The following MTUS2 variants were observed in gnomAD, a reference collection of about 807,000 sequenced individuals.
The protein encoded by MTUS2 is microtubule-associated tumor suppressor candidate 2.
MTUS2 carries 40 observed loss-of-function variants against 114.1 expected under a neutral mutation model. The ratio of observed to expected loss-of-function variants is 0.35; its 90% CI spans 0.27 to 0.46. The LOEUF (loss-of-function observed/expected upper bound fraction) is 0.46. MTUS2 is among the 20% of genes least tolerant of loss of function. MTUS2 has a pLI of 1.00. For synonymous variants in MTUS2, 688 were observed against 672.0 expected, an observed-to-expected ratio of 1.02 and a Z score of -0.37; for missense variants, 1,679 against 1,705.4, an observed-to-expected ratio of 0.98 and a Z score of 0.27.
chr13:29,491,530 G>A (rs976864356), intron 11 of MTUS2, among the ~76,000 whole-genome samples: 1 of 136,076 alleles, frequency 7.3e-6, no homozygotes, highest in African/African-American at 2.8e-5. Flanking sequence ...TGATGTGTGT[G>A]GTATGTGTGG....
intron 8 of MTUS2, among the ~76,000 whole-genome samples, chr13:29,423,625 A>G (rs1313130276): frequency 1.3e-5 from 2 of 152,232 alleles, no homozygotes; most frequent in African/African-American, 4.8e-5. Context: ...ATTTATAATG[A>G]TGTTTTTAAA....
chr13:29,082,332 A>C (rs890628322), intron 4 of MTUS2, among the ~76,000 whole-genome samples: 1 of 152,126 alleles, frequency 6.6e-6, no homozygotes, highest in Non-Finnish European at 1.5e-5. Flanking sequence ...TGAGCTGACT[A>C]AGATAGGTCC....
intron 5 of MTUS2, among the ~76,000 whole-genome samples, chr13:29,278,497 A>C (rs1166968778): frequency 1.3e-5 from 2 of 152,232 alleles, no homozygotes; most frequent in Non-Finnish European, 2.9e-5. Flanking sequence ...GGAAGAGAAA[A>C]ACTTGAGTAG....
chr13:29,060,543 C>CTT (rs1162860492), intron 4 of MTUS2, among the ~76,000 whole-genome samples: 1,041 of 101,178 alleles, frequency 0.01, 16 homozygotes, highest in South Asian at 0.024. Context: ...CCTAGCCCTT[C>CTT]TTTTTTTTTT....
chr13:29,025,742 A>C lies in MTUS2; in HGVS notation c.1044A>C (p.Pro348=), dbSNP rs1886505154. Residue 348 remains proline (P), a synonymous_variant, in exon 3 of 16, where the codon CCA becomes CCC. Coordinates refer to ENST00000612955, the MANE Select transcript of MTUS2 (RefSeq NM_001033602.4). The part of the protein sequence containing the change: ...ENLSALEGRD[P]CGEAHPEATD... ...TGTCAGCCTTGGAGGGAAGGGATCC[A>C]TGTGGGGAAGCACACCCGGAAGCCA... 2 of 1,614,002 alleles carry C rather than the reference A, an allele frequency of 1.2e-6. No individual in the cohort carries two copies. The highest frequency in any genetic ancestry group is 1.7e-6 in the Non-Finnish European group (2 of 1,179,892).
intron 8 of MTUS2, among the ~76,000 whole-genome samples, chr13:29,437,049 G>C (rs1877465523): frequency 6.6e-6 from 1 of 152,168 alleles, no homozygotes; most frequent in South Asian, 2.1e-4. Context: ...CCACAGGCCT[G>C]ATTCTTCTGT....
At chr13:28,850,601 C>T (rs565262258) in intron 2 of MTUS2, among the ~76,000 whole-genome samples, 1 of 152,316 alleles carries the variant, frequency 6.6e-6, no homozygotes, top group Admixed American at 6.5e-5. Flanking sequence ...GTATGCTTAA[C>T]ATTAAGGTGT....
chr13:28,955,151 C>G (rs1387784634), intron 2 of MTUS2, among the ~76,000 whole-genome samples: 2 of 152,180 alleles, frequency 1.3e-5, no homozygotes, highest in Non-Finnish European at 2.9e-5. Flanking sequence ...TAACCTATGA[C>G]ACTGTCTTTT....
chr13:29,254,669 T>G (rs1020237199), intron 5 of MTUS2, among the ~76,000 whole-genome samples: 1 of 152,220 alleles, frequency 6.6e-6, no homozygotes, highest in African/African-American at 2.4e-5. Flanking sequence ...AAAAGTAAGC[T>G]CCTCTCCCAT....
intron 5 of MTUS2, among the ~76,000 whole-genome samples, chr13:29,188,466 A>G (rs1369833596): frequency 2.6e-5 from 4 of 152,222 alleles, no homozygotes; most frequent in Non-Finnish European, 5.9e-5. Context: ...TTAGCTCAAA[A>G]GCCTGCAAGC....
chr13:29,361,131 T>C (rs1422227687), intron 8 of MTUS2, among the ~76,000 whole-genome samples: 1 of 152,212 alleles, frequency 6.6e-6, no homozygotes, highest in African/African-American at 2.4e-5. Flanking sequence ...AATTCCTTGT[T>C]GGCCTGCAGA....
chr13:29,190,615 G>A (rs746996449), intron 5 of MTUS2, among the ~76,000 whole-genome samples: 1 of 152,238 alleles, frequency 6.6e-6, no homozygotes, highest in African/African-American at 2.4e-5. Context: ...TGAGTGCAGG[G>A]AGCAACATTG....
At chr13:29,193,945 C>G (rs1194831717) in intron 5 of MTUS2, among the ~76,000 whole-genome samples, 3 of 152,048 alleles carry the variant, frequency 2.0e-5, no homozygotes, top group African/African-American at 4.8e-5. Flanking sequence ...CGCCGCATAT[C>G]TACAAATATC....
chr13:29,346,033 TA>T (rs1294897143), intron 7 of MTUS2, among the ~76,000 whole-genome samples: 3 of 152,102 alleles, frequency 2.0e-5, no homozygotes, highest in Admixed American at 1.3e-4. Context: ...CAGCCGTGAG[TA>T]ACGAGCACCT....
At position 29,440,022 on chromosome 13, in the gene MTUS2, G is replaced by A. The variant is rs199840497; in HGVS notation, c.3157G>A (p.Glu1053Lys). 3.7e-5 allele frequency: 59 copies of A among 1,589,026 alleles called. No individual in the cohort carries two copies. Among genetic ancestry groups the A allele is most frequent in the South Asian group, 5.8e-5 (5 of 86,910 alleles). ...ALVKEKELSI[E>K]LANIRDEVAF... ...TGTGAAAGAAAAAGAGCTGTCAATC[G>A]AACTTGCAAACATCAGGGATGAAGT... Residue 1053 changes from glutamate (E) to lysine (K), a missense_variant, in exon 9 of 16, where the codon GAA becomes AAA. Glu to Lys is a moderately conservative substitution (Grantham distance 56). Around this residue, in one of 3 missense-constraint regions of MTUS2, gnomAD observed 822 missense variants for 899.7 expected, o/e 0.91. Transcript: ENST00000612955.
intron 8 of MTUS2, among the ~76,000 whole-genome samples, chr13:29,399,068 C>T (rs888133775): frequency 2.0e-5 from 3 of 152,090 alleles, no homozygotes; most frequent in African/African-American, 4.8e-5. Flanking sequence ...AGAGCAGCCC[C>T]GAGGGCTGCT....
chr13:29,170,307 A>G (rs147878800), intron 5 of MTUS2, among the ~76,000 whole-genome samples: 40 of 152,318 alleles, frequency 2.6e-4, no homozygotes, highest in African/African-American at 6.7e-4. Flanking sequence ...TTATTGTTCT[A>G]TTACCCCCAT....
chr13:29,101,147 T>C (rs2138822850), intron 5 of MTUS2, among the ~76,000 whole-genome samples, 177 bp downstream of exon 5: 1 of 152,212 alleles, frequency 6.6e-6, no homozygotes, highest in East Asian at 1.9e-4. Flanking sequence ...CCATCAGTTA[T>C]GGGGAGTTAG....
intron 2 of MTUS2, among the ~76,000 whole-genome samples, chr13:28,848,465 A>G (rs1303396508): frequency 6.6e-6 from 1 of 152,092 alleles, no homozygotes; most frequent in African/African-American, 2.4e-5. Context: ...AAGAATGATA[A>G]TAGTCAAAAG....
Sources: gnomAD v4.1 joint callset for allele counts (sites outside exome capture counted in the v4.1 genomes callset) on GRCh38, gnomAD v4.1.1 for gene constraint, gnomAD v4.1.1 regional missense constraint, MANE v1.5 for transcripts, NCBI Gene and HGNC (gene_info 2026-07-23, HGNC 2026-07-21) for gene names.